EPHA7: variants seen among roughly 807,000 people sequenced by gnomAD.
EPHA7 encodes EPH receptor A7, also known as ephrin type-A receptor 7.
A neutral mutation model predicts 112.6 loss-of-function variants in EPHA7; 25 were observed. The ratio of observed to expected loss-of-function variants is 0.22; its 90% confidence interval spans 0.16 to 0.31. The LOEUF (loss-of-function observed/expected upper bound fraction) is 0.31, where lower values mean the gene tolerates loss of function less well. Ranked by LOEUF, EPHA7 falls within the 10% of genes least tolerant of loss-of-function variation. EPHA7 has a pLI of 1.00. For synonymous variants in EPHA7, 437 were observed against 406.5 expected, an observed-to-expected ratio of 1.07 and a Z score of -0.90; for missense variants, 962 against 1,212.6, an observed-to-expected ratio of 0.79 and a Z score of 3.07.
chr6:93,380,842 G>T (rs1437568963), intron 3 of EPHA7, among the ~76,000 whole-genome samples: 1 of 152,076 alleles, frequency 6.6e-6, no homozygotes, highest in East Asian at 1.9e-4. Context: ...TTGAAGGTTT[G>T]TGTTACTATT....
chr6:93,267,511 A>T lies in EPHA7; in HGVS notation c.1633+1966T>A, dbSNP rs1219181261. Among the ~76,000 whole-genome samples, 36 of 151,686 alleles carry T rather than the reference A, an allele frequency of 2.4e-4. 1 individual carries two copies. Among genetic ancestry groups the T allele is most frequent in the Non-Finnish European group, 2.9e-5 (2 of 67,800 alleles). On this transcript the variant is annotated intron_variant, in intron 7 of 16. Coordinates refer to ENST00000369303, the MANE Select transcript of EPHA7 (RefSeq NM_004440.4). Reference sequence around the variant, plus strand: ...TGAAGTATTCATTTATTGCTAGTTTACTGAGTGCCTTCTGTGCCTGAAACC... The same window carrying T: ...TGAAGTATTCATTTATTGCTAGTTTTCTGAGTGCCTTCTGTGCCTGAAACC...
At chr6:93,302,103 C>A (rs1400380932) in intron 5 of EPHA7, among the ~76,000 whole-genome samples, 1 of 152,112 alleles carries the variant, frequency 6.6e-6, no homozygotes. Context: ...TTGCTCTTCT[C>A]TTCTATAACC....
At chr6:93,357,139 C>A in intron 4 of EPHA7, 87 bp from the exon 5 acceptor site, 1 of 1,058,192 alleles carries the variant, frequency 9.5e-7, no homozygotes, top group Non-Finnish European at 1.3e-6. Context: ...CTGTGTGGGG[C>A]ATTAAGCTAG....
chr6:93,400,998 T>C (rs1453947202), intron 3 of EPHA7, among the ~76,000 whole-genome samples: 2 of 152,118 alleles, frequency 1.3e-5, no homozygotes, highest in Non-Finnish European at 2.9e-5. Flanking sequence ...TCTCCAGATC[T>C]AGGTTTTCTC....
intron 5 of EPHA7, among the ~76,000 whole-genome samples, chr6:93,338,231 G>T (rs1562106916): frequency 1.3e-5 from 2 of 152,048 alleles, no homozygotes; most frequent in Non-Finnish European, 1.5e-5. Flanking sequence ...GAAATCACAT[G>T]CTTCTCTCTT....
At chr6:93,408,339 C>T (rs1778815067) in intron 3 of EPHA7, among the ~76,000 whole-genome samples, 1 of 152,066 alleles carries the variant, frequency 6.6e-6, no homozygotes, top group Admixed American at 6.6e-5. Flanking sequence ...TTTCAAGTAA[C>T]TGTTAACCTC....
At chr6:93,413,391 C>T (rs1025990657) in intron 2 of EPHA7, among the ~76,000 whole-genome samples, 1 of 151,868 alleles carries the variant, frequency 6.6e-6, no homozygotes, top group Non-Finnish European at 1.5e-5. Context: ...TGAAATACTA[C>T]AATCATATAT....
At chr6:93,390,451 T>G (rs960892198) in intron 3 of EPHA7, among the ~76,000 whole-genome samples, 1 of 151,746 alleles carries the variant, frequency 6.6e-6, no homozygotes, top group South Asian at 2.1e-4. Context: ...TTCCTGGATT[T>G]TAAATATGGC....
chr6:93,306,898 A>G (rs1773287071), intron 5 of EPHA7, among the ~76,000 whole-genome samples: 1 of 152,006 alleles, frequency 6.6e-6, no homozygotes. Flanking sequence ...AACTCTCTTT[A>G]TGAAGATGGA....
chr6:93,285,484 T>C (rs530951472), intron 5 of EPHA7, among the ~76,000 whole-genome samples: 1 of 152,364 alleles, frequency 6.6e-6, no homozygotes, highest in African/African-American at 2.4e-5. Flanking sequence ...AAACATGTAT[T>C]TGACCCAGAA....
rs569177351 is a variant in EPHA7 at position 93,325,155 on chromosome 6, T to C, written c.1324+31562A>G. 6.6e-5 allele frequency among the ~76,000 whole-genome samples: 10 copies of C among 151,436 alleles called. No individual in the cohort carries two copies. In the South Asian group the frequency reaches 1.5e-3, roughly 22 times the overall value. ...AATTGCCAGGAATAATATATGCATA[T>C]AGGGAAACACTTGTTACAAAATAAG... On this transcript the variant is annotated intron_variant, in intron 5 of 16. Transcript: ENST00000369303.
At chr6:93,309,669 A>T (rs559595815) in intron 5 of EPHA7, among the ~76,000 whole-genome samples, 3 of 152,236 alleles carry the variant, frequency 2.0e-5, no homozygotes, top group African/African-American at 7.2e-5. Flanking sequence ...AAGAAAATAA[A>T]TTCATACCCA....
At position 93,398,738 on chromosome 6, in the gene EPHA7, G is replaced by T. The variant is rs183828983; in HGVS notation, c.832+11763C>A. On this transcript the variant is annotated intron_variant, in intron 3 of 16. Coordinates refer to ENST00000369303, the MANE Select transcript of EPHA7 (RefSeq NM_004440.4). ...TCAACAAGAGAGCTGTTTGAATTTG[G>T]AGTAGTAATTGTCTCATTGGAAAAA... 1.3e-4 allele frequency among the ~76,000 whole-genome samples: 20 copies of T among 152,138 alleles called. No homozygotes were observed. In the East Asian group the frequency reaches 3.1e-3, roughly 24 times the overall value.
intron 3 of EPHA7, among the ~76,000 whole-genome samples, chr6:93,400,270 A>G (rs930989555): frequency 6.6e-6 from 1 of 152,084 alleles, no homozygotes; most frequent in African/African-American, 2.4e-5. Flanking sequence ...ATTATTTTCT[A>G]TATGAGAACT....
At chr6:93,283,220 C>G (rs1247822937) in intron 5 of EPHA7, among the ~76,000 whole-genome samples, 2 of 152,168 alleles carry the variant, frequency 1.3e-5, no homozygotes, top group Non-Finnish European at 2.9e-5. Context: ...AATTGACACT[C>G]TGTATCTAGC....
At chr6:93,276,300 G>T (rs867284830) in intron 5 of EPHA7, among the ~76,000 whole-genome samples, 3 of 152,004 alleles carry the variant, frequency 2.0e-5, no homozygotes, top group Non-Finnish European at 4.4e-5. Flanking sequence ...ATTGTTGGAG[G>T]GGACCTCAGA....
At chr6:93,283,388 G>A (rs1008419616) in intron 5 of EPHA7, among the ~76,000 whole-genome samples, 15 of 152,058 alleles carry the variant, frequency 9.9e-5, no homozygotes, top group East Asian at 1.9e-4. Context: ...CAGGCTGCCC[G>A]AGCCAGCAGT....
chr6:93,293,739 A>G (rs1772504508), intron 5 of EPHA7, among the ~76,000 whole-genome samples: 2 of 152,226 alleles, frequency 1.3e-5, no homozygotes, highest in Admixed American at 1.3e-4. Context: ...CATCACAAAC[A>G]GTAAAGAAAA....
chr6:93,270,381 A>G (rs952925586), intron 6 of EPHA7, among the ~76,000 whole-genome samples: 12 of 151,516 alleles, frequency 7.9e-5, no homozygotes, highest in African/African-American at 2.4e-4. Flanking sequence ...ATTATCAAAC[A>G]TATTTTATGT....
Sources: gnomAD v4.1 joint callset for allele counts (sites outside exome capture counted in the v4.1 genomes callset) on GRCh38, gnomAD v4.1.1 for gene constraint, MANE v1.5 for transcripts, NCBI Gene and HGNC (gene_info 2026-07-23, HGNC 2026-07-21) for gene names.